CGNL1: variants seen among roughly 807,000 people sequenced by gnomAD.
CGNL1 encodes the protein cingulin-like protein 1.
A neutral mutation model predicts 141.2 loss-of-function variants in CGNL1; 132 were observed. The observed-to-expected ratio is 0.93, with a 90% confidence interval of 0.81 to 1.08. The LOEUF (loss-of-function observed/expected upper bound fraction) is 1.08. Among genes scored for constraint, CGNL1 ranks in the 50% least tolerant of loss-of-function variants. CGNL1 has a pLI of 0.00. For missense variants in CGNL1, 1,870 were observed against 1,588.6 expected, an observed-to-expected ratio of 1.18 and a Z score of -3.01; for synonymous variants, 690 against 622.1, an observed-to-expected ratio of 1.11 and a Z score of -1.63.
intron 8 of CGNL1, among the ~76,000 whole-genome samples, chr15:57,506,851 G>A (rs1399409498): frequency 6.6e-6 from 1 of 152,166 alleles, no homozygotes; most frequent in African/African-American, 2.4e-5. Flanking sequence ...CTGAAGTTTC[G>A]AGAAGAACAA....
At chr15:57,428,223 C>A (rs1229979209) in intron 1 of CGNL1, among the ~76,000 whole-genome samples, 1 of 152,172 alleles carries the variant, frequency 6.6e-6, no homozygotes, top group African/African-American at 2.4e-5. Context: ...CTCCAGTGAC[C>A]ATGTGAGCAT....
chr15:57,439,108 G>A lies in CGNL1; in HGVS notation c.1109G>A (p.Gly370Glu), dbSNP rs1299387525. Residue 370 changes from glycine to glutamate, a missense_variant, in exon 2 of 19, where the codon GGA (glycine) becomes GAA (glutamate). Coordinates refer to ENST00000281282, the MANE Select transcript of CGNL1 (RefSeq NM_032866.5). ...FDQKPGLQRR[G>E]RSGKRNRINT... is the part of the protein sequence containing the mutation. ...CAAAAACCTGGGCTTCAGAGAAGAG[G>A]AAGGTCTGGGAAGCGAAACAGAATT... The A allele has an allele frequency of 6.2e-7, 1 of 1,614,222 alleles. No individual in the cohort carries two copies. Among genetic ancestry groups the A allele is most frequent in the South Asian group, 1.1e-5 (1 of 91,080 alleles).
At position 57,549,099 on chromosome 15, in the gene CGNL1, T is replaced by A. The variant is rs2140271773; in HGVS notation, c.*1609T>A. 1 of 152,304 alleles carries A rather than the reference T, an allele frequency of 6.6e-6. No individual in the cohort carries two copies. Among genetic ancestry groups the A allele is most frequent in the Middle Eastern group, 3.4e-3 (1 of 296 alleles). 9.4% of individuals were successfully genotyped at this position (152,304 alleles called of 1,614,324 possible). A position where few individuals can be genotyped will look rare whatever the true frequency, so the allele number is the denominator to read the frequency against. ...AGGTCTGGGGGCCAGGCCACATGGC[T>A]GGAGAGGAATTTCAGGGAGCATAGC... On this transcript the variant is annotated 3_prime_UTR_variant, in exon 19 of 19. Coordinates refer to ENST00000281282, the MANE Select transcript of CGNL1 (RefSeq NM_032866.5).
At chr15:57,428,668 C>T in intron 1 of CGNL1, among the ~76,000 whole-genome samples, 1 of 151,880 alleles carries the variant, frequency 6.6e-6, no homozygotes, top group Non-Finnish European at 1.5e-5. Flanking sequence ...ACAGGATTTT[C>T]ATAGGTGAAG....
At chr15:57,529,985 G>C (rs1429110535) in intron 13 of CGNL1, among the ~76,000 whole-genome samples, 1 of 152,190 alleles carries the variant, frequency 6.6e-6, no homozygotes, top group East Asian at 1.9e-4. Flanking sequence ...GATCTCTTTA[G>C]GGGAGGTAAT....
At chr15:57,461,962 T>C in intron 8 of CGNL1, 70 bp downstream of exon 8, 1 of 1,114,512 alleles carries the variant, frequency 9.0e-7, no homozygotes, top group Non-Finnish European at 1.4e-6. Context: ...CCCACACCAC[T>C]GCAAATCCCC....
At chr15:57,545,549 G>A (rs2032810671) in intron 16 of CGNL1, 43 bp from the exon 17 acceptor site, 1 of 1,566,494 alleles carries the variant, frequency 6.4e-7, no homozygotes, top group African/African-American at 1.4e-5. Flanking sequence ...CCCCTGCAGG[G>A]ATGGGAGTGA....
chr15:57,535,737 A>C (rs1348602389), intron 14 of CGNL1, among the ~76,000 whole-genome samples: 1 of 152,232 alleles, frequency 6.6e-6, no homozygotes, highest in Non-Finnish European at 1.5e-5. Context: ...GATTGAGCAC[A>C]ATAGTGAAGC....
chr15:57,440,695 T>G (rs1280399), intron 3 of CGNL1, among the ~76,000 whole-genome samples: 4,121 of 152,242 alleles, frequency 0.027, 156 homozygotes, highest in African/African-American at 0.086. Flanking sequence ...CTTTAAAAAT[T>G]AAAATGAATA....
intron 1 of CGNL1, among the ~76,000 whole-genome samples, chr15:57,428,725 T>C (rs2063008530): frequency 6.6e-6 from 1 of 151,676 alleles, no homozygotes; most frequent in African/African-American, 2.4e-5. Context: ...AAAGTAAAGG[T>C]CATAAAAACA....
chr15:57,452,650 C>A (rs1350647910), intron 6 of CGNL1, among the ~76,000 whole-genome samples: 2 of 151,846 alleles, frequency 1.3e-5, no homozygotes, highest in Non-Finnish European at 2.9e-5. Flanking sequence ...GTTACGTGGC[C>A]CCCGTGAGCT....
intron 8 of CGNL1, among the ~76,000 whole-genome samples, chr15:57,469,261 G>T (rs1044904302): frequency 6.6e-6 from 1 of 151,766 alleles, no homozygotes; most frequent in Non-Finnish European, 1.5e-5. Flanking sequence ...GTCTCTGGGT[G>T]CCTGGAAGGG....
At chr15:57,472,673 G>A (rs1055130377) in intron 8 of CGNL1, among the ~76,000 whole-genome samples, 3 of 152,258 alleles carry the variant, frequency 2.0e-5, no homozygotes, top group African/African-American at 7.2e-5. Context: ...TGGAGAAAGG[G>A]ATGGGAATAG....
intron 7 of CGNL1, among the ~76,000 whole-genome samples, chr15:57,457,764 T>A (rs1358215873): frequency 6.6e-6 from 1 of 152,170 alleles, no homozygotes; most frequent in Non-Finnish European, 1.5e-5. Flanking sequence ...GCCACCCCCA[T>A]GGTTCCATTA....
chr15:57,471,829 C>G (rs913164088), intron 8 of CGNL1, among the ~76,000 whole-genome samples: 5 of 152,136 alleles, frequency 3.3e-5, no homozygotes, highest in African/African-American at 4.8e-5. Context: ...CATTTATGGT[C>G]ATTAATTAAG....
intron 1 of CGNL1, among the ~76,000 whole-genome samples, chr15:57,420,220 AC>A (rs1224022002): frequency 1.3e-5 from 2 of 152,192 alleles, no homozygotes; most frequent in African/African-American, 4.8e-5. Context: ...TTATTGGAGA[AC>A]TTGTTGGTAT....
intron 4 of CGNL1, among the ~76,000 whole-genome samples, chr15:57,444,287 C>T (rs1041085623): frequency 4.6e-5 from 7 of 151,810 alleles, no homozygotes; most frequent in African/African-American, 9.7e-5. Context: ...TTTTTGGTAT[C>T]GAAATGTAAT....
At chr15:57,385,501 ATAAAG>A (rs570889989) in intron 1 of CGNL1, among the ~76,000 whole-genome samples, 7 of 152,206 alleles carry the variant, frequency 4.6e-5, no homozygotes, top group Non-Finnish European at 1.0e-4. Flanking sequence ...ACAGAGAAAA[ATAAAG>A]TAGTTTCATC....
intron 8 of CGNL1, among the ~76,000 whole-genome samples, chr15:57,495,972 G>C (rs1171735023): frequency 6.6e-6 from 1 of 152,140 alleles, no homozygotes; most frequent in East Asian, 1.9e-4. Context: ...TGGCAATCCA[G>C]ATAAATGCTG....
Sources: gnomAD v4.1 joint callset for allele counts (sites outside exome capture counted in the v4.1 genomes callset) on GRCh38, gnomAD v4.1.1 for gene constraint, MANE v1.5 for transcripts, NCBI Gene and HGNC (gene_info 2026-07-23, HGNC 2026-07-21) for gene names.